The following AMDHD1 variants were observed in gnomAD, a reference collection of about 807,000 sequenced individuals.
The protein encoded by AMDHD1 is probable imidazolonepropionase.
A neutral mutation model predicts 44.1 loss-of-function variants in AMDHD1; 45 were observed. The observed-to-expected ratio is 1.02, with a 90% CI of 0.80 to 1.31. The LOEUF is 1.31. Among genes scored for constraint, AMDHD1 ranks in the 50% most tolerant of loss-of-function variants. AMDHD1 has a pLI of 0.00. For missense variants in AMDHD1, 586 were observed against 552.1 expected, an observed-to-expected ratio of 1.06 and a Z score of -0.61; for synonymous variants, 206 against 205.0, an observed-to-expected ratio of 1.00 and a Z score of -0.04.
intron 5 of AMDHD1, among the ~76,000 whole-genome samples, 186 bp downstream of exon 5, chr12:95,960,809 T>G (rs555692017): frequency 6.6e-6 from 1 of 152,350 alleles, no homozygotes; most frequent in Admixed American, 6.5e-5. Flanking sequence ...CTTACTTTTT[T>G]GCTGATGATT....
At chr12:95,952,431 G>A (rs532967690) in intron 1 of AMDHD1, among the ~76,000 whole-genome samples, 44 of 152,144 alleles carry the variant, frequency 2.9e-4, no homozygotes, top group Admixed American at 7.9e-4. Context: ...TTTTATGCCA[G>A]TACCATGCTC....
intron 1 of AMDHD1, among the ~76,000 whole-genome samples, chr12:95,951,464 T>C (rs187210234): frequency 6.6e-6 from 1 of 152,338 alleles, no homozygotes; most frequent in East Asian, 1.9e-4. Flanking sequence ...TGTGTATGTA[T>C]TACATTTTCT....
At chr12:95,956,582 T>A (rs2080550990) in intron 3 of AMDHD1, 103 bp from the exon 4 acceptor site, 5 of 1,493,422 alleles carry the variant, frequency 3.3e-6, no homozygotes, top group Non-Finnish European at 4.5e-6. Flanking sequence ...CCATGCCATA[T>A]GGCTTCTTAA....
At chr12:95,952,684 A>C (rs1361549378) in intron 1 of AMDHD1, 33 bp from the exon 2 acceptor site, 5 of 1,410,518 alleles carry the variant, frequency 3.5e-6, no homozygotes. Flanking sequence ...AGATTTCCCC[A>C]AATTTAATAA....
intron 1 of AMDHD1, 47 bp downstream of exon 1, chr12:95,943,582 G>A: frequency 7.1e-7 from 1 of 1,403,870 alleles, no homozygotes; most frequent in Non-Finnish European, 9.2e-7. Context: ...GGCGGAGCTG[G>A]CCGCTCTTCC....
intron 1 of AMDHD1, among the ~76,000 whole-genome samples, chr12:95,946,051 CT>C (rs1478326307): frequency 3.2e-5 from 4 of 123,408 alleles, no homozygotes; most frequent in African/African-American, 1.0e-4. Flanking sequence ...AGTTCTCTCT[CT>C]CTTTCTCTCT....
rs185768604 is a variant in AMDHD1, at chr12:95,958,594, G to A, written c.587+1632G>A. Among the ~76,000 whole-genome samples, 109 of 152,260 alleles carry A rather than the reference G, an allele frequency of 7.2e-4. 2 individuals are homozygous for A. Among genetic ancestry groups the A allele is most frequent in the African/African-American group, 2.3e-3 (95 of 41,554 alleles). ...GTAGAAAGGATAGTGTGGCATGGTG[G>A]AAAAGTCTCAGTTTGAAGTGATGCC... On this transcript the variant is annotated intron_variant, in intron 4 of 8. Coordinates refer to ENST00000266736, the MANE Select transcript of AMDHD1 (RefSeq NM_152435.3).
At chr12:95,953,400 G>A (rs2080533556) in intron 2 of AMDHD1, among the ~76,000 whole-genome samples, 1 of 152,154 alleles carries the variant, frequency 6.6e-6, no homozygotes. Context: ...AACAGAATCA[G>A]TTTATTAACC....
Position 95,952,640 on chromosome 12 carries a change from A to G in AMDHD1, c.138-77A>G. 3.2e-6 allele frequency: 3 copies of G among 936,084 alleles called. No individual in the cohort carries two copies. The South Asian group carries it at 4.2e-5, about 13-fold the overall frequency. The allele number at this position is 936,084 out of a possible 1,614,324, so 58.0% of individuals were successfully genotyped here. On this transcript the variant is annotated intron_variant, in intron 1 of 8. Coordinates refer to ENST00000266736, the MANE Select transcript of AMDHD1 (RefSeq NM_152435.3). ...ACTAATTAACACCAAAGAATCTGAAAACATATTTTAAGTCACTCATCAGAT... is the reference window on the plus strand; with the variant it reads ...ACTAATTAACACCAAAGAATCTGAAGACATATTTTAAGTCACTCATCAGAT...
In AMDHD1 at chr12:95,967,795, A is replaced by G. The variant is rs2080619532; in HGVS notation, c.1233A>G (p.Glu411=). The change falls in exon 9 of 9, where the codon GAA becomes GAG. Residue 411 remains glutamate, a synonymous_variant. Coordinates refer to ENST00000266736, the MANE Select transcript of AMDHD1 (RefSeq NM_152435.3). The part of the protein sequence containing the change: ...HLIYQFGGHH[E]LIEYVIAKGK... Reference sequence around the variant, plus strand: ...TTTACCAGTTCGGAGGCCATCATGAATTAATTGAATATGTTATAGCTAAAG... The same window carrying G: ...TTTACCAGTTCGGAGGCCATCATGAGTTAATTGAATATGTTATAGCTAAAG... 5 of 1,599,466 alleles carry G rather than the reference A, an allele frequency of 3.1e-6. No homozygotes were observed. The highest frequency in any genetic ancestry group is 1.2e-5 in the South Asian group (1 of 86,834).
intron 6 of AMDHD1, among the ~76,000 whole-genome samples, chr12:95,964,953 A>AAAAAAAAAAAAAAAG (rs2080602064): frequency 7.0e-6 from 1 of 142,790 alleles, no homozygotes; most frequent in African/African-American, 2.6e-5. Flanking sequence ...AAAAAAAAAG[A>AAAAAAAAAAAAAAAG]GGGCAAAGGG....
At chr12:95,956,375 T>A (rs942851094) in intron 3 of AMDHD1, among the ~76,000 whole-genome samples, 1 of 152,172 alleles carries the variant, frequency 6.6e-6, no homozygotes, top group Non-Finnish European at 1.5e-5. Flanking sequence ...CCCAAAGTAT[T>A]GGGATTACAG....
intron 1 of AMDHD1, among the ~76,000 whole-genome samples, chr12:95,951,781 G>C (rs1237895966): frequency 6.6e-6 from 1 of 152,128 alleles, no homozygotes; most frequent in Admixed American, 6.5e-5. Flanking sequence ...CATTTTAACT[G>C]GGGTAAGATG....
intron 1 of AMDHD1, among the ~76,000 whole-genome samples, chr12:95,947,663 G>C (rs2080503118): frequency 1.5e-5 from 1 of 68,154 alleles, no homozygotes; most frequent in Non-Finnish European, 2.6e-5. Flanking sequence ...CCCCGTCCGG[G>C]AGGTGAGGGG....
At chr12:95,947,447 C>G (rs1218743140) in intron 1 of AMDHD1, 2 of 55,994 alleles carry the variant, frequency 3.6e-5, no homozygotes, top group African/African-American at 2.2e-4. Flanking sequence ...AGTGAGGAGC[C>G]TCTCCGCCCG....
Position 95,949,289 on chromosome 12 carries a change from G to A in AMDHD1, c.138-3428G>A, listed in dbSNP as rs564030445. 1.4e-3 allele frequency among the ~76,000 whole-genome samples: 220 copies of A among 152,140 alleles called. No homozygotes were observed. The South Asian group carries it at 0.015, about 10-fold the overall frequency. Reference sequence around the variant, plus strand: ...GGTTTTAGAAACTGAGACAGTGTATGTGCCAATTCTAAATTTTCACAAAGC... The same window carrying A: ...GGTTTTAGAAACTGAGACAGTGTATATGCCAATTCTAAATTTTCACAAAGC... On this transcript the variant is annotated intron_variant, in intron 1 of 8. Coordinates refer to ENST00000266736, the MANE Select transcript of AMDHD1 (RefSeq NM_152435.3).
intron 7 of AMDHD1, 95 bp downstream of exon 7, chr12:95,965,874 A>G: frequency 1.2e-6 from 1 of 856,390 alleles, no homozygotes; most frequent in Non-Finnish European, 1.7e-6. Flanking sequence ...ACAGTATAAA[A>G]AATCTAAAAA....
intron 2 of AMDHD1, among the ~76,000 whole-genome samples, chr12:95,954,676 T>C (rs1451789618): frequency 1.3e-5 from 2 of 152,214 alleles, no homozygotes; most frequent in Non-Finnish European, 2.9e-5. Context: ...GATATTTTCA[T>C]CATGTTGCAT....
intron 7 of AMDHD1, 126 bp downstream of exon 7, chr12:95,965,905 A>G (rs905445337): frequency 3.5e-5 from 23 of 663,820 alleles, no homozygotes; most frequent in Admixed American, 1.1e-4. Flanking sequence ...TGAAACAAGA[A>G]AAAAAGGGGT....
Sources: allele counts gnomAD v4.1 joint callset (sites outside exome capture counted in the v4.1 genomes callset), GRCh38; gene constraint gnomAD v4.1.1; transcripts MANE v1.5; gene names NCBI Gene and HGNC (gene_info 2026-07-23, HGNC 2026-07-21).